CDH18: variants seen among roughly 807,000 people sequenced by gnomAD.
The protein encoded by CDH18 is cadherin-18.
In CDH18, 31 loss-of-function variants were observed where a neutral mutation model predicts 67.9. The observed-to-expected ratio is 0.46, with a 90% CI of 0.34 to 0.62. The LOEUF is 0.62. Among genes scored for constraint, CDH18 ranks in the 20% least tolerant of loss-of-function variants. The pLI is 0.01. For missense variants in CDH18, 890 were observed against 975.5 expected, an observed-to-expected ratio of 0.91 and a Z score of 1.17; for synonymous variants, 362 against 347.2, an observed-to-expected ratio of 1.04 and a Z score of -0.48.
At chr5:20,466,007 C>T (rs1218764861) in intron 1 of CDH18, among the ~76,000 whole-genome samples, 1 of 151,940 alleles carries the variant, frequency 6.6e-6, no homozygotes, top group Non-Finnish European at 1.5e-5. Context: ...AATTGTAGTT[C>T]CACATCTGCT....
At chr5:20,268,097 G>A (rs570315726) in intron 1 of CDH18, among the ~76,000 whole-genome samples, 38 of 152,146 alleles carry the variant, frequency 2.5e-4, no homozygotes, top group Non-Finnish European at 5.4e-4. Context: ...ATTGCCTCCA[G>A]TTGCACACAT....
chr5:19,609,136 C>T (rs1580471402), intron 6 of CDH18, among the ~76,000 whole-genome samples: 1 of 151,780 alleles, frequency 6.6e-6, no homozygotes, highest in Non-Finnish European at 1.5e-5. Flanking sequence ...AATAGATTAC[C>T]TTTAATGAAA....
At chr5:19,620,319 A>G (rs550895960) in intron 5 of CDH18, among the ~76,000 whole-genome samples, 1 of 152,078 alleles carries the variant, frequency 6.6e-6, no homozygotes, top group Non-Finnish European at 1.5e-5. Context: ...ATTTCCACAC[A>G]CTCTATTAGA....
At chr5:19,800,423 G>A (rs1174511679) in intron 3 of CDH18, among the ~76,000 whole-genome samples, 3 of 152,050 alleles carry the variant, frequency 2.0e-5, no homozygotes, top group African/African-American at 4.8e-5. Flanking sequence ...CTGGGATAAC[G>A]GAAGGAGTCA....
intron 2 of CDH18, among the ~76,000 whole-genome samples, chr5:20,107,595 T>C (rs1200275710): frequency 2.0e-5 from 3 of 152,078 alleles, no homozygotes; most frequent in African/African-American, 4.8e-5. Flanking sequence ...ACAGCAGACA[T>C]TGATTTTCTT....
At chr5:20,340,740 A>G (rs1740185622) in intron 1 of CDH18, among the ~76,000 whole-genome samples, 1 of 152,134 alleles carries the variant, frequency 6.6e-6, no homozygotes, top group Non-Finnish European at 1.5e-5. Context: ...TGGACACTGG[A>G]GTGAGCCTTT....
intron 1 of CDH18, among the ~76,000 whole-genome samples, chr5:20,475,670 T>C (rs1027884562): frequency 4.6e-5 from 7 of 152,218 alleles, no homozygotes; most frequent in Non-Finnish European, 8.8e-5. Flanking sequence ...ATTTATATAA[T>C]AATTATACCA....
chr5:20,369,160 A>G (rs1185399312), intron 1 of CDH18, among the ~76,000 whole-genome samples: 1 of 151,692 alleles, frequency 6.6e-6, no homozygotes, highest in Non-Finnish European at 1.5e-5. Flanking sequence ...AGGCTGGGAG[A>G]GTTTACTGAA....
At chr5:19,822,585 A>G (rs2149953779) in intron 3 of CDH18, among the ~76,000 whole-genome samples, 1 of 152,294 alleles carries the variant, frequency 6.6e-6, no homozygotes, top group East Asian at 1.9e-4. Context: ...GATGCCCCAC[A>G]AGCCGCAAAA....
intron 2 of CDH18, among the ~76,000 whole-genome samples, chr5:19,973,194 A>G (rs1246292919): frequency 6.6e-6 from 1 of 152,134 alleles, no homozygotes; most frequent in Non-Finnish European, 1.5e-5. Context: ...AATATTTTTC[A>G]ATGGAAAAAT....
chr5:19,849,338 C>T (rs899835490), intron 2 of CDH18, among the ~76,000 whole-genome samples: 2 of 151,686 alleles, frequency 1.3e-5, no homozygotes, highest in Non-Finnish European at 2.9e-5. Context: ...GGGCATTAAA[C>T]ATCTAGAGTT....
chr5:19,691,399 G>A, intron 5 of CDH18, among the ~76,000 whole-genome samples: 1 of 151,812 alleles, frequency 6.6e-6, no homozygotes, highest in Admixed American at 6.6e-5. Context: ...ATAGACATCA[G>A]AAAATAGGAA....
At chr5:20,532,146 T>C (rs1159003540) in intron 1 of CDH18, among the ~76,000 whole-genome samples, 1 of 152,086 alleles carries the variant, frequency 6.6e-6, no homozygotes, top group Non-Finnish European at 1.5e-5. Flanking sequence ...GCTATCTCAT[T>C]AAAAATGAAC....
rs142424502 is a variant in CDH18, at chr5:20,171,885, T to C, written c.-518+83559A>G. On this transcript the variant is annotated intron_variant, in intron 2 of 14. Transcript: ENST00000507958. ...AGTCTTTAAATTGTTAAGTCTTCAG[T>C]TGATTTTTTTTTTATATGGTGTAAG... 1.9e-3 allele frequency among the ~76,000 whole-genome samples: 287 copies of C among 151,684 alleles called. 2 individuals are homozygous for C. The highest frequency in any genetic ancestry group is 6.6e-3 in the African/African-American group (272 of 41,426).
At chr5:20,041,614 G>C (rs1331987703) in intron 2 of CDH18, among the ~76,000 whole-genome samples, 1 of 152,162 alleles carries the variant, frequency 6.6e-6, no homozygotes, top group East Asian at 1.9e-4. Context: ...ATAATCAAAT[G>C]AGAGAATGAC....
intron 1 of CDH18, among the ~76,000 whole-genome samples, chr5:20,517,984 C>T (rs1384316083): frequency 1.3e-5 from 2 of 152,026 alleles, no homozygotes; most frequent in African/African-American, 2.4e-5. Flanking sequence ...AAGATATTCA[C>T]ATTCTATTAC....
chr5:20,216,190 A>T (rs979943892), intron 2 of CDH18, among the ~76,000 whole-genome samples: 4 of 151,980 alleles, frequency 2.6e-5, no homozygotes, highest in African/African-American at 9.7e-5. Context: ...TCATTATACC[A>T]GATATAATGA....
intron 5 of CDH18, among the ~76,000 whole-genome samples, chr5:19,656,009 T>TTA (rs1756330092): frequency 6.7e-6 from 1 of 149,080 alleles, no homozygotes; most frequent in African/African-American, 2.5e-5. Flanking sequence ...TTTTTTTTTT[T>TTA]ACTGACAGAC....
chr5:19,985,385 TCTCAAAATTGCATTGAGAACCACTG>T (rs1291915302), intron 1 of CDH18, among the ~76,000 whole-genome samples: 2 of 152,076 alleles, frequency 1.3e-5, no homozygotes, highest in Non-Finnish European at 2.9e-5. Flanking sequence ...ACTGAGTGGT[TCTCAAAATTGCATTGAGAACCACTG>T]CTCAAAATTG....
Sources: allele counts gnomAD v4.1 joint callset (sites outside exome capture counted in the v4.1 genomes callset), GRCh38; gene constraint gnomAD v4.1.1; transcripts MANE v1.5; gene names NCBI Gene and HGNC (gene_info 2026-07-23, HGNC 2026-07-21).